The following PAXBP1 variants were observed in gnomAD, a reference collection of about 807,000 sequenced individuals.
PAXBP1 encodes the protein PAX3 and PAX7 binding protein 1.
A neutral mutation model predicts 119.9 loss-of-function variants in PAXBP1; 44 were observed. That is an observed-to-expected ratio of 0.37 (90% CI 0.29 to 0.47). The LOEUF (loss-of-function observed/expected upper bound fraction) is 0.47. PAXBP1 is among the 20% of genes least tolerant of loss of function. PAXBP1 has a pLI of 0.99. For synonymous variants in PAXBP1, 393 were observed against 406.6 expected, an observed-to-expected ratio of 0.97 and a Z score of 0.40; for missense variants, 898 against 1,134.1, an observed-to-expected ratio of 0.79 and a Z score of 2.99.
intron 8 of PAXBP1, 98 bp downstream of exon 8, chr21:32,755,127 TAAAAA>T (rs5843565): frequency 2.4e-5 from 24 of 985,536 alleles, no homozygotes; most frequent in South Asian, 9.0e-5. Context: ...ATTGTTTCTT[TAAAAA>T]AAAAAAAAAA....
At chr21:32,756,410 T>C in intron 7 of PAXBP1, 1 of 492,344 alleles carries the variant, frequency 2.0e-6, no homozygotes, top group South Asian at 1.5e-5. Flanking sequence ...AATACAGAGA[T>C]GTCTGTAATA....
At chr21:32,741,743 T>C in intron 15 of PAXBP1, 2 of 508,486 alleles carry the variant, frequency 3.9e-6, no homozygotes, top group Non-Finnish European at 7.1e-6. Context: ...GGGGTTCTGG[T>C]GTCTATGACC....
At chr21:32,740,252 A>G (rs1273367610) in intron 15 of PAXBP1, among the ~76,000 whole-genome samples, 1 of 152,194 alleles carries the variant, frequency 6.6e-6, no homozygotes, top group Non-Finnish European at 1.5e-5. Flanking sequence ...GAAGTCCCCA[A>G]TGGGGGGGCC....
chr21:32,749,807 T>C (rs533046597), intron 10 of PAXBP1, among the ~76,000 whole-genome samples: 4 of 152,170 alleles, frequency 2.6e-5, no homozygotes, highest in African/African-American at 4.8e-5. Context: ...GTCTAGAATA[T>C]AGGACAGTCT....
At chr21:32,759,718 T>C in intron 6 of PAXBP1, 59 bp downstream of exon 6, 1 of 1,417,610 alleles carries the variant, frequency 7.1e-7, no homozygotes, top group East Asian at 2.3e-5. Flanking sequence ...CCAGACTACA[T>C]GTTGCCTGAG....
intron 7 of PAXBP1, chr21:32,756,371 G>A: frequency 2.0e-6 from 1 of 512,404 alleles, no homozygotes; most frequent in Non-Finnish European, 3.9e-6. Flanking sequence ...TGAACAGACT[G>A]CAAATGGAAA....
At chr21:32,739,618 T>C (rs1376960094) in intron 15 of PAXBP1, among the ~76,000 whole-genome samples, 1 of 152,104 alleles carries the variant, frequency 6.6e-6, no homozygotes, top group African/African-American at 2.4e-5. Flanking sequence ...TATAGACCTG[T>C]GGTTACGGCC....
intron 3 of PAXBP1, 60 bp downstream of exon 3, chr21:32,764,288 T>TA: frequency 1.3e-6 from 2 of 1,515,502 alleles, no homozygotes; most frequent in Non-Finnish European, 1.8e-6. Flanking sequence ...TAATCATCTT[T>TA]AAAGATGGCC....
intron 17 of PAXBP1, among the ~76,000 whole-genome samples, chr21:32,736,482 T>C (rs1462904378): frequency 2.0e-5 from 3 of 152,164 alleles, no homozygotes; most frequent in Non-Finnish European, 4.4e-5. Flanking sequence ...CCACCATGCC[T>C]GGCCTAAAAT....
intron 15 of PAXBP1, among the ~76,000 whole-genome samples, chr21:32,738,594 T>C (rs1446371099): frequency 6.6e-6 from 1 of 152,174 alleles, no homozygotes; most frequent in Non-Finnish European, 1.5e-5. Context: ...CAGACAGTAC[T>C]ATCAGGGAGT....
intron 13 of PAXBP1, among the ~76,000 whole-genome samples, chr21:32,744,459 G>A (rs1021822907): frequency 6.6e-6 from 1 of 151,958 alleles, no homozygotes; most frequent in Non-Finnish European, 1.5e-5. Context: ...AGAAAATACA[G>A]TCTTTAAAAG....
At position 32,771,730 on chromosome 21, in the gene PAXBP1, C is replaced by A; in HGVS notation, c.-62G>T. The A allele has an allele frequency of 7.7e-7, 1 of 1,290,934 alleles. No individual in the cohort carries two copies. Among genetic ancestry groups the A allele is most frequent in the South Asian group, 2.0e-5 (1 of 51,238 alleles). 80.0% of individuals were successfully genotyped at this position (1,290,934 alleles called of 1,614,324 possible). ...ACACCGCGGCCCCGGCAGCGCCGAGCTCGTGACGGCGCACGCGCGCTCTCC... is the reference window on the plus strand; with the variant it reads ...ACACCGCGGCCCCGGCAGCGCCGAGATCGTGACGGCGCACGCGCGCTCTCC... On this transcript the variant is annotated 5_prime_UTR_variant, in exon 1 of 18. Transcript: ENST00000331923.
intron 3 of PAXBP1, among the ~76,000 whole-genome samples, 177 bp downstream of exon 3, chr21:32,764,171 T>C (rs182401113): frequency 4.8e-4 from 73 of 152,298 alleles, no homozygotes; most frequent in African/African-American, 1.7e-3. Context: ...CTTGGAAAAG[T>C]TGGGAAACTT....
intron 15 of PAXBP1, among the ~76,000 whole-genome samples, chr21:32,738,959 G>T (rs1161647566): frequency 6.6e-6 from 1 of 152,166 alleles, no homozygotes; most frequent in Non-Finnish European, 1.5e-5. Flanking sequence ...CTCTCAAGTT[G>T]TGTGTCTCCA....
chr21:32,747,072 G>A (rs374489387), intron 11 of PAXBP1, among the ~76,000 whole-genome samples: 2 of 147,918 alleles, frequency 1.4e-5, no homozygotes, highest in Non-Finnish European at 3.0e-5. Flanking sequence ...CACACACTGA[G>A]GCCTGTTGGG....
At chr21:32,771,240 T>C (rs1003559457) in intron 1 of PAXBP1, 86 bp downstream of exon 1, 1 of 1,239,482 alleles carries the variant, frequency 8.1e-7, no homozygotes, top group Non-Finnish European at 1.1e-6. Flanking sequence ...GCTCCGGGGC[T>C]GGGCGTCCAG....
chr21:32,769,990 T>C, intron 1 of PAXBP1, 48 bp from the exon 2 acceptor site: 1 of 1,390,328 alleles, frequency 7.2e-7, no homozygotes, highest in Non-Finnish European at 9.7e-7. Flanking sequence ...TTTCTGAAAA[T>C]ATTTTCCCTT....
chr21:32,755,154 C>T, intron 8 of PAXBP1, 76 bp downstream of exon 8: 1 of 1,253,958 alleles, frequency 8.0e-7, no homozygotes, highest in East Asian at 3.0e-5. Context: ...GCTCCAAGAT[C>T]TCTAATTTTC....
chr21:32,753,438 A>AC (rs2043991640), intron 8 of PAXBP1, among the ~76,000 whole-genome samples: 1 of 151,680 alleles, frequency 6.6e-6, no homozygotes, highest in African/African-American at 2.4e-5. Context: ...AAAAAAAAAA[A>AC]AAAAAAAAAC....
Sources: gnomAD v4.1 joint callset for allele counts (sites outside exome capture counted in the v4.1 genomes callset) on GRCh38, gnomAD v4.1.1 for gene constraint, MANE v1.5 for transcripts, NCBI Gene and HGNC (gene_info 2026-07-23, HGNC 2026-07-21) for gene names.